LIN28B: variants seen among roughly 807,000 people sequenced by gnomAD.
LIN28B encodes the protein lin-28 RNA binding posttranscriptional regulator B, also known as protein lin-28 homolog B.
In LIN28B, 5 loss-of-function variants were observed where a neutral mutation model predicts 21.9. The ratio of observed to expected loss-of-function variants is 0.23; its 90% CI spans 0.12 to 0.48. The LOEUF is 0.48. Among genes scored for constraint, LIN28B ranks in the 20% least tolerant of loss-of-function variants. The pLI is 0.98. For synonymous variants in LIN28B, 109 were observed against 111.3 expected (o/e 0.98, Z 0.13); for missense variants, 245 against 310.5 (o/e 0.79, Z 1.58).
intron 3 of LIN28B, among the ~76,000 whole-genome samples, chr6:105,052,997 TAAAC>T (rs1364043612): frequency 6.6e-6 from 1 of 152,084 alleles, no homozygotes; most frequent in Non-Finnish European, 1.5e-5. Flanking sequence ...TTTTCTAACA[TAAAC>T]AGATAAAGTT....
chr6:104,976,931 C>G (rs1770109258), intron 2 of LIN28B, among the ~76,000 whole-genome samples: 1 of 152,206 alleles, frequency 6.6e-6, no homozygotes, highest in African/African-American at 2.4e-5. Context: ...AAAGTATTCA[C>G]TCTCTCAGAA....
At chr6:105,058,215 A>G in intron 3 of LIN28B, 1 of 247,258 alleles carries the variant, frequency 4.0e-6, no homozygotes, top group Non-Finnish European at 8.1e-6. Context: ...CATGAGCTGC[A>G]ACACCATATA....
At chr6:105,044,556 T>C (rs902912159) in intron 3 of LIN28B, among the ~76,000 whole-genome samples, 1 of 152,192 alleles carries the variant, frequency 6.6e-6, no homozygotes, top group African/African-American at 2.4e-5. Flanking sequence ...ATCCAAAGTA[T>C]AGTACTGTGA....
At chr6:104,967,807 T>A (rs560941954) in intron 2 of LIN28B, among the ~76,000 whole-genome samples, 1 of 152,002 alleles carries the variant, frequency 6.6e-6, no homozygotes, top group Admixed American at 6.6e-5. Flanking sequence ...GCCTTCTGAG[T>A]AGCTGGGACT....
chr6:104,976,590 A>G (rs1229778923), intron 2 of LIN28B, among the ~76,000 whole-genome samples: 2 of 152,254 alleles, frequency 1.3e-5, no homozygotes, highest in East Asian at 3.8e-4. Flanking sequence ...GTGCCAAGAT[A>G]ACAGCATTGT....
intron 2 of LIN28B, among the ~76,000 whole-genome samples, chr6:105,010,027 C>T (rs981620835): frequency 8.5e-5 from 13 of 152,120 alleles, no homozygotes; most frequent in African/African-American, 2.9e-4. Context: ...GATTGTCAGT[C>T]ACTTGAATAT....
intron 3 of LIN28B, among the ~76,000 whole-genome samples, chr6:105,032,592 G>T (rs1771446487): frequency 1.3e-5 from 2 of 152,000 alleles, no homozygotes; most frequent in African/African-American, 4.8e-5. Context: ...GGGCATGGTG[G>T]TGCATCCCTG....
chr6:105,049,373 G>T (rs1771843678), intron 3 of LIN28B, among the ~76,000 whole-genome samples: 1 of 152,148 alleles, frequency 6.6e-6, no homozygotes, highest in African/African-American at 2.4e-5. Context: ...GAGACAGTTT[G>T]TTATAATTTC....
intron 2 of LIN28B, among the ~76,000 whole-genome samples, chr6:105,024,071 C>A (rs1384405205): frequency 6.6e-6 from 1 of 152,042 alleles, no homozygotes; most frequent in African/African-American, 2.4e-5. Flanking sequence ...TCACTGCAAC[C>A]TCCGCCTCCC....
chr6:105,081,942 C>G lies in LIN28B; in HGVS notation c.*3159C>G, dbSNP rs1772549753. The G allele has an allele frequency of 6.6e-6, 1 of 152,586 alleles. No homozygotes were observed. Among genetic ancestry groups the G allele is most frequent in the Non-Finnish European group, 1.5e-5 (1 of 68,046 alleles). 9.5% of individuals were successfully genotyped at this position (152,586 alleles called of 1,614,324 possible). A position where few individuals can be genotyped will look rare whatever the true frequency, so the allele number is the denominator to read the frequency against. On this transcript the variant is annotated 3_prime_UTR_variant, in exon 4 of 4. Coordinates refer to ENST00000345080, the MANE Select transcript of LIN28B (RefSeq NM_001004317.4). ...TTACTAGCTATTGAGGGAAAAGGGT[C>G]TGTGTGAAGCATCACTTTGCAGGGA...
chr6:104,946,381 T>C (rs2114547002), intron 2 of LIN28B, among the ~76,000 whole-genome samples: 1 of 152,270 alleles, frequency 6.6e-6, no homozygotes, highest in East Asian at 1.9e-4. Flanking sequence ...TGCAAAATAA[T>C]TTATCCTGAT....
chr6:105,017,729 G>A (rs1771057469), intron 2 of LIN28B, among the ~76,000 whole-genome samples: 1 of 151,694 alleles, frequency 6.6e-6, no homozygotes, highest in Admixed American at 6.6e-5. Context: ...TAGACACCGG[G>A]GACTACTAGA....
chr6:105,053,642 G>A (rs918101953), intron 3 of LIN28B, among the ~76,000 whole-genome samples: 1 of 149,916 alleles, frequency 6.7e-6, no homozygotes, highest in Non-Finnish European at 1.5e-5. Context: ...TTACTTTGAA[G>A]TATCCTTTGT....
At chr6:104,943,821 G>C (rs1388763600) in intron 2 of LIN28B, among the ~76,000 whole-genome samples, 1 of 152,032 alleles carries the variant, frequency 6.6e-6, no homozygotes, top group Non-Finnish European at 1.5e-5. Flanking sequence ...TTGCCAAGAA[G>C]AACAATGGAA....
intron 3 of LIN28B, among the ~76,000 whole-genome samples, chr6:105,029,646 G>T (rs965559054): frequency 6.6e-6 from 1 of 152,176 alleles, no homozygotes; most frequent in Non-Finnish European, 1.5e-5. Flanking sequence ...TTATAGAAAA[G>T]AGGTAGAATT....
chr6:105,021,597 G>A (rs1343396616), intron 2 of LIN28B, among the ~76,000 whole-genome samples: 1 of 152,158 alleles, frequency 6.6e-6, no homozygotes, highest in Non-Finnish European at 1.5e-5. Flanking sequence ...GATTAGTGAT[G>A]TAACGTTGAA....
intron 2 of LIN28B, among the ~76,000 whole-genome samples, chr6:104,970,458 C>G (rs992874391): frequency 4.6e-5 from 7 of 152,132 alleles, no homozygotes; most frequent in Non-Finnish European, 1.0e-4. Context: ...AAGCATAAAA[C>G]TTTGAGAAAA....
At chr6:105,031,463 T>C (rs1265422440) in intron 3 of LIN28B, among the ~76,000 whole-genome samples, 1 of 152,020 alleles carries the variant, frequency 6.6e-6, no homozygotes, top group Non-Finnish European at 1.5e-5. Flanking sequence ...GAAGTAAGCA[T>C]TGGTATATTT....
At chr6:104,973,849 T>G in intron 2 of LIN28B, among the ~76,000 whole-genome samples, 1 of 152,226 alleles carries the variant, frequency 6.6e-6, no homozygotes, top group African/African-American at 2.4e-5. Context: ...CTTTTATACC[T>G]TTTCTAAAGG....
Sources: allele counts gnomAD v4.1 joint callset (sites outside exome capture counted in the v4.1 genomes callset), GRCh38; gene constraint gnomAD v4.1.1; transcripts MANE v1.5; gene names NCBI Gene and HGNC (gene_info 2026-07-23, HGNC 2026-07-21).